Variants in RFC3 observed in about 807,000 individuals in gnomAD.
The protein encoded by RFC3 is replication factor C subunit 3.
In RFC3, 41 loss-of-function variants were observed where a neutral mutation model predicts 45.1. That is an observed-to-expected ratio of 0.91 (90% CI 0.71 to 1.18). The LOEUF is 1.18. Among genes scored for constraint, RFC3 ranks in the 50% most tolerant of loss-of-function variants. The probability of loss-of-function intolerance (pLI) is 0.00; values close to 1 mark genes in which losing one functional copy is unlikely to be tolerated. For missense variants in RFC3, 423 were observed against 428.1 expected (o/e 0.99, Z 0.10); for synonymous variants, 149 against 144.0 (o/e 1.03, Z -0.25).
chr13:33,864,413 A>G (rs1017346247), intron 8 of RFC3, among the ~76,000 whole-genome samples: 3 of 152,214 alleles, frequency 2.0e-5, no homozygotes, highest in African/African-American at 4.8e-5. Flanking sequence ...TAATTGTTGT[A>G]TCCTCTTTCT....
chr13:33,970,947 T>C (rs1276278154), downstream of RFC3, among the ~76,000 whole-genome samples: 1 of 152,196 alleles, frequency 6.6e-6, no homozygotes, highest in Non-Finnish European at 1.5e-5. Flanking sequence ...TGGTGTACAC[T>C]TAAATGGCAA....
intron 8 of RFC3, among the ~76,000 whole-genome samples, chr13:33,875,249 T>C (rs2082438643): frequency 6.6e-6 from 1 of 152,112 alleles, no homozygotes; most frequent in African/African-American, 2.4e-5. Flanking sequence ...TACTTACTAC[T>C]GCGATGACAA....
intron 8 of RFC3, among the ~76,000 whole-genome samples, chr13:33,880,871 T>A (rs2082478739): frequency 6.6e-6 from 1 of 152,028 alleles, no homozygotes; most frequent in Non-Finnish European, 1.5e-5. Flanking sequence ...GCCTGGCCAA[T>A]ATAGTGAAAC....
At chr13:33,952,815 G>T (rs1427161902) in intron 8 of RFC3, among the ~76,000 whole-genome samples, 2 of 152,084 alleles carry the variant, frequency 1.3e-5, no homozygotes, top group East Asian at 3.9e-4. Context: ...TATCCTCCTA[G>T]GCAAATTCTT....
chr13:33,933,508 G>A (rs1208182405), intron 8 of RFC3, among the ~76,000 whole-genome samples: 1 of 152,036 alleles, frequency 6.6e-6, no homozygotes, highest in Non-Finnish European at 1.5e-5. Context: ...CCCTAGCTTA[G>A]GTGAATATAA....
In RFC3 at chr13:33,831,361, G is replaced by C; in HGVS notation, c.809+7G>C. 1 of 1,500,526 alleles carries C rather than the reference G, an allele frequency of 6.7e-7. No individual in the cohort carries two copies. The allele number at this position is 1,500,526 out of a possible 1,614,324, so 93.0% of individuals were successfully genotyped here. A position where few individuals can be genotyped will look rare whatever the true frequency, so the allele number is the denominator to read the frequency against. On this transcript the variant is annotated splice_region_variant and intron_variant, in intron 7 of 8. Coordinates refer to ENST00000380071, the MANE Select transcript of RFC3 (RefSeq NM_002915.4). ...GTCAGCAAACTCCACAAAGGTACCA[G>C]TATAAAATGATGACAGTAAAGCTTT...
intron 8 of RFC3, among the ~76,000 whole-genome samples, chr13:33,860,198 T>G (rs1332209081): frequency 1.3e-5 from 2 of 151,956 alleles, no homozygotes; most frequent in Non-Finnish European, 2.9e-5. Context: ...TGTGGCATTT[T>G]GTTTTGGCAG....
intron 8 of RFC3, among the ~76,000 whole-genome samples, chr13:33,943,275 G>A (rs1401129053): frequency 6.6e-6 from 1 of 151,916 alleles, no homozygotes; most frequent in Non-Finnish European, 1.5e-5. Flanking sequence ...TTCATAACAC[G>A]GCATAAGGTA....
intron 8 of RFC3, among the ~76,000 whole-genome samples, chr13:33,941,946 C>T (rs1016420948): frequency 6.6e-6 from 1 of 151,902 alleles, no homozygotes; most frequent in Non-Finnish European, 1.5e-5. Flanking sequence ...TGTTTTTATC[C>T]TTTAATTTGC....
intron 8 of RFC3, among the ~76,000 whole-genome samples, chr13:33,897,365 A>G (rs868180323): frequency 4.5e-4 from 69 of 152,100 alleles, no homozygotes; most frequent in African/African-American, 1.6e-3. Flanking sequence ...CTTGTTACAT[A>G]TATGAAATTT....
At chr13:33,869,111 G>A (rs1026046715) in intron 8 of RFC3, among the ~76,000 whole-genome samples, 1 of 152,190 alleles carries the variant, frequency 6.6e-6, no homozygotes, top group Non-Finnish European at 1.5e-5. Context: ...GGTCACCAGA[G>A]GTGGCTTCCT....
chr13:33,841,820 A>G (rs142640866), downstream of RFC3, among the ~76,000 whole-genome samples: 574 of 152,310 alleles, frequency 3.8e-3, 5 homozygotes, highest in Non-Finnish European at 4.8e-3. Context: ...AAATAGGGGC[A>G]TGATATTTCT....
At chr13:33,863,223 A>T (rs888667847) in intron 8 of RFC3, among the ~76,000 whole-genome samples, 5 of 152,214 alleles carry the variant, frequency 3.3e-5, no homozygotes, top group Admixed American at 1.3e-4. Flanking sequence ...CAATACATAC[A>T]TATATACACA....
chr13:33,881,566 C>G (rs1039472141), intron 8 of RFC3, among the ~76,000 whole-genome samples: 9 of 151,980 alleles, frequency 5.9e-5, no homozygotes, highest in Admixed American at 6.6e-5. Flanking sequence ...ATACTCAGAC[C>G]TTTACTTTCA....
intron 8 of RFC3, among the ~76,000 whole-genome samples, chr13:33,923,663 A>T (rs1323128874): frequency 6.6e-6 from 1 of 152,126 alleles, no homozygotes; most frequent in Non-Finnish European, 1.5e-5. Context: ...AAAGACAACC[A>T]CAGGAGGAGG....
rs766249780 is a variant in RFC3 at position 33,831,261 on chromosome 13, C to T, written c.716C>T (p.Pro239Leu). Residue 239 changes from proline to leucine, a missense_variant, in exon 7 of 9, where the codon CCT (proline) becomes CTT (leucine). By Grantham distance (98) the Pro-to-Leu change is moderately conservative. Coordinates refer to ENST00000380071, the MANE Select transcript of RFC3 (RefSeq NM_002915.4). ...GTTCTCTTTTTGTCATGTAGATATCCTTTTACTGCAGATCAAGAAATCCCT... is the reference window on the plus strand; with the variant it reads ...GTTCTCTTTTTGTCATGTAGATATCTTTTTACTGCAGATCAAGAAATCCCT... ...MCEACRVQQY[P>L]FTADQEIPET... 1 of 1,583,658 alleles carries T rather than the reference C, an allele frequency of 6.3e-7. No homozygotes were observed. The highest frequency in any genetic ancestry group is 8.7e-7 in the Non-Finnish European group (1 of 1,152,350).
intron 8 of RFC3, among the ~76,000 whole-genome samples, chr13:33,910,797 T>C (rs1468355569): frequency 6.6e-6 from 1 of 152,090 alleles, no homozygotes; most frequent in Non-Finnish European, 1.5e-5. Flanking sequence ...ACAGGAATCA[T>C]GATGCTGGCA....
intron 8 of RFC3, among the ~76,000 whole-genome samples, chr13:33,872,607 C>T (rs1019154573): frequency 1.3e-5 from 2 of 152,096 alleles, no homozygotes; most frequent in African/African-American, 2.4e-5. Context: ...GTGGCACACG[C>T]CTGTAATACC....
chr13:33,892,580 C>T (rs1017857208), intron 8 of RFC3, among the ~76,000 whole-genome samples: 3 of 152,090 alleles, frequency 2.0e-5, no homozygotes, highest in African/African-American at 7.2e-5. Context: ...AACATCTGAG[C>T]CTATAATTCT....
Sources: allele counts gnomAD v4.1 joint callset (sites outside exome capture counted in the v4.1 genomes callset), GRCh38; gene constraint gnomAD v4.1.1; transcripts MANE v1.5; gene names NCBI Gene and HGNC (gene_info 2026-07-23, HGNC 2026-07-21).